GNA12: variants seen among roughly 807,000 people sequenced by gnomAD.
GNA12 encodes guanine nucleotide-binding protein subunit alpha-12.
Under a neutral mutation model 26.0 loss-of-function variants are expected in GNA12, and 9 were observed. The ratio of observed to expected loss-of-function variants is 0.35; its 90% CI spans 0.21 to 0.60. The LOEUF (loss-of-function observed/expected upper bound fraction) is 0.60, where lower values mean the gene tolerates loss of function less well. Among genes scored for constraint, GNA12 ranks in the 20% least tolerant of loss-of-function variants. The pLI, the probability that GNA12 is intolerant of heterozygous loss-of-function variation, is 0.78. For synonymous variants in GNA12, 264 were observed against 219.6 expected (o/e 1.20, Z -1.79); for missense variants, 405 against 525.8 (o/e 0.77, Z 2.25).
At chr7:2,769,716 G>A (rs989474746) in intron 2 of GNA12, among the ~76,000 whole-genome samples, 1 of 152,008 alleles carries the variant, frequency 6.6e-6, no homozygotes, top group Non-Finnish European at 1.5e-5. Flanking sequence ...CTGGGTGAGA[G>A]AGTGAGACTC....
intron 2 of GNA12, among the ~76,000 whole-genome samples, chr7:2,769,498 A>T (rs1396521143): frequency 1.3e-5 from 2 of 151,932 alleles, no homozygotes; most frequent in Non-Finnish European, 2.9e-5. Context: ...TGGGAGGCCG[A>T]GGTCGGCGGA....
intron 1 of GNA12, among the ~76,000 whole-genome samples, chr7:2,804,144 T>C (rs1792884671): frequency 6.6e-6 from 1 of 152,182 alleles, no homozygotes; most frequent in Non-Finnish European, 1.5e-5. Flanking sequence ...CAAAATATCA[T>C]TCTAAGGGGG....
At chr7:2,757,914 T>C (rs1791379438) in intron 2 of GNA12, among the ~76,000 whole-genome samples, 1 of 152,222 alleles carries the variant, frequency 6.6e-6, no homozygotes, top group South Asian at 2.1e-4. Context: ...CTGACTCCTG[T>C]TCGCTGTCCC....
intron 1 of GNA12, among the ~76,000 whole-genome samples, chr7:2,820,041 T>C (rs979791059): frequency 1.8e-4 from 27 of 152,226 alleles, no homozygotes; most frequent in Admixed American, 1.7e-3. Context: ...ATTCGGCCGC[T>C]TAGAGGGATG....
chr7:2,757,084 GA>G (rs1791334373), intron 2 of GNA12, among the ~76,000 whole-genome samples: 1 of 149,190 alleles, frequency 6.7e-6, no homozygotes, highest in Non-Finnish European at 1.5e-5. Flanking sequence ...CAAGGCGGGG[GA>G]AAAAAGGAGG....
At chr7:2,764,384 G>T (rs1163813174) in intron 2 of GNA12, among the ~76,000 whole-genome samples, 1 of 152,022 alleles carries the variant, frequency 6.6e-6, no homozygotes, top group Non-Finnish European at 1.5e-5. Context: ...CATCCAGGCA[G>T]TCTGGTTTAT....
At position 2,754,582 on chromosome 7, in the gene GNA12, T is replaced by A. The variant is rs1236299794; in HGVS notation, c.526-21081A>T. Among the ~76,000 whole-genome samples the A allele has an allele frequency of 7.7e-5, 11 of 143,586 alleles. No homozygotes were observed. In the East Asian group the frequency reaches 8.2e-4, roughly 11 times the overall value. 94.2% of individuals were successfully genotyped at this position (143,586 alleles called of 152,430 possible). ...ACATAGTGAGACCTCATCTCTACTT[T>A]AAAAAAAAAAAAAAAATTAGCCAGG... is the stretch of plus-strand genomic sequence containing the variant. On this transcript the variant is annotated intron_variant, in intron 2 of 3. Coordinates refer to ENST00000275364, the MANE Select transcript of GNA12 (RefSeq NM_007353.3).
chr7:2,735,651 G>C (rs973169793), intron 2 of GNA12, among the ~76,000 whole-genome samples: 1 of 152,174 alleles, frequency 6.6e-6, no homozygotes, highest in Non-Finnish European at 1.5e-5. Flanking sequence ...CTTTCTCCAC[G>C]ATGACTGAAT....
At position 2,844,126 on chromosome 7, in the gene GNA12, C is replaced by T; in HGVS notation, c.36G>A (p.Leu12=). 1.0e-6 allele frequency: 1 copy of T among 988,254 alleles called. No individual in the cohort carries two copies. The highest frequency in any genetic ancestry group is 1.2e-6 in the Non-Finnish European group (1 of 833,684). The allele number at this position is 988,254 out of a possible 1,614,324, so 61.2% of individuals were successfully genotyped here. The change falls in exon 1 of 4, where the codon CTG becomes CTA. Residue 12 remains leucine (L), a synonymous_variant. Transcript: ENST00000275364. Reference sequence around the variant, plus strand: ...GGGCCCCGCCGGCCTCGGCCGGCAGCAGGCAGCGGCTGAGGGTCCGCACCA... The same window carrying T: ...GGGCCCCGCCGGCCTCGGCCGGCAGTAGGCAGCGGCTGAGGGTCCGCACCA... ...SGVVRTLSRC[L]LPAEAGGARE... is the part of the protein sequence containing the mutation.
chr7:2,840,211 C>T (rs1168742265), intron 1 of GNA12, among the ~76,000 whole-genome samples: 2 of 152,182 alleles, frequency 1.3e-5, no homozygotes, highest in Non-Finnish European at 2.9e-5. Flanking sequence ...GGGATCTCTA[C>T]TATTTCTTAC....
chr7:2,803,344 T>C (rs1340936116), intron 1 of GNA12, among the ~76,000 whole-genome samples: 1 of 152,106 alleles, frequency 6.6e-6, no homozygotes, highest in Non-Finnish European at 1.5e-5. Flanking sequence ...TCGAGGGCTT[T>C]GGAAAAGGAG....
chr7:2,835,702 TG>T, intron 1 of GNA12: 1 of 1,040,014 alleles, frequency 9.6e-7, no homozygotes, highest in African/African-American at 1.6e-5. Context: ...CAAATTTGCA[TG>T]GAATACAAGT....
At chr7:2,733,266 T>C (rs970746533) in intron 3 of GNA12, among the ~76,000 whole-genome samples, 185 bp downstream of exon 3, 2 of 152,158 alleles carry the variant, frequency 1.3e-5, no homozygotes, top group Non-Finnish European at 2.9e-5. Flanking sequence ...TTTCCTCCCC[T>C]CCCCACTGAG....
rs574121518 is a variant in GNA12 at position 2,806,473 on chromosome 7, A to G, written c.310-11330T>C. On this transcript the variant is annotated intron_variant, in intron 1 of 3. Transcript: ENST00000275364. The stretch of plus-strand genomic sequence containing the variant: ...ACTCTGTCTCAAAAAAAAAAAAAAA[A>G]AAAAAGAAAAAGAAAAAAGAAGAAA... 8.6e-5 allele frequency among the ~76,000 whole-genome samples: 13 copies of G among 151,348 alleles called. No individual in the cohort carries two copies. The East Asian group carries it at 1.2e-3, about 13-fold the overall frequency.
At chr7:2,843,781 G>C in intron 1 of GNA12, 72 bp downstream of exon 1, 1 of 793,466 alleles carries the variant, frequency 1.3e-6, no homozygotes, top group Non-Finnish European at 1.8e-6. Context: ...GGCGGACCAC[G>C]GAGGGGCCCG....
chr7:2,801,640 AAGT>A (rs1792811396), intron 1 of GNA12, among the ~76,000 whole-genome samples: 1 of 152,138 alleles, frequency 6.6e-6, no homozygotes, highest in Admixed American at 6.5e-5. Flanking sequence ...TTGAACAGTT[AAGT>A]AGTAGTTTTG....
chr7:2,837,337 G>C (rs1013953253), intron 1 of GNA12, among the ~76,000 whole-genome samples: 1 of 152,230 alleles, frequency 6.6e-6, no homozygotes, highest in African/African-American at 2.4e-5. Context: ...CAGGGTCTCA[G>C]AGACCCGGAG....
intron 1 of GNA12, among the ~76,000 whole-genome samples, chr7:2,809,093 C>T (rs914824517): frequency 6.6e-6 from 1 of 152,210 alleles, no homozygotes; most frequent in South Asian, 2.1e-4. Flanking sequence ...GCTCCATCCT[C>T]GCTTTACTTC....
At chr7:2,825,346 T>C (rs1793460107) in intron 1 of GNA12, among the ~76,000 whole-genome samples, 1 of 152,080 alleles carries the variant, frequency 6.6e-6, no homozygotes, top group South Asian at 2.1e-4. Context: ...CTACAATCTA[T>C]ACAGGTCACC....
Sources: allele counts gnomAD v4.1 joint callset (sites outside exome capture counted in the v4.1 genomes callset), GRCh38; gene constraint gnomAD v4.1.1; transcripts MANE v1.5; gene names NCBI Gene and HGNC (gene_info 2026-07-23, HGNC 2026-07-21).